The following ARHGEF1 variants were observed in gnomAD, a reference collection of about 807,000 sequenced individuals.
The protein encoded by ARHGEF1 is 115 kDa guanine nucleotide exchange factor.
ARHGEF1 carries 40 observed loss-of-function variants against 119.7 expected under a neutral mutation model. The ratio of observed to expected loss-of-function variants is 0.33; its 90% confidence interval spans 0.26 to 0.44. ARHGEF1 has a LOEUF of 0.44. Among genes scored for constraint, ARHGEF1 ranks in the 20% least tolerant of loss-of-function variants. The probability of loss-of-function intolerance (pLI) is 1.00; values close to 1 mark genes in which losing one functional copy is unlikely to be tolerated. For missense variants in ARHGEF1, 976 were observed against 1,268.3 expected, an observed-to-expected ratio of 0.77 and a Z score of 3.50; for synonymous variants, 494 against 521.0, an observed-to-expected ratio of 0.95 and a Z score of 0.71.
At chr19:41,900,397 G>A (rs1161330292) in intron 14 of ARHGEF1, among the ~76,000 whole-genome samples, 1 of 152,108 alleles carries the variant, frequency 6.6e-6, no homozygotes, top group Admixed American at 6.5e-5. Context: ...TGCAATTAAC[G>A]AAAATGTAAA....
At chr19:41,921,260 C>T (rs535496571), upstream of ARHGEF1, among the ~76,000 whole-genome samples, 6 of 151,830 alleles carry the variant, frequency 4.0e-5, no homozygotes, top group African/African-American at 1.5e-4. The surrounding 1 kb of genome is among the most constrained non-coding windows in gnomAD (Gnocchi z 4.4). Flanking sequence ...GGGTGGGGGG[C>T]ACAGAGAAGG....
chr19:41,929,833 A>G (rs998048288), exon 3 of ARHGEF1: 1 of 152,282 alleles, frequency 6.6e-6, no homozygotes, highest in East Asian at 1.9e-4. Context: ...CAACCCCACC[A>G]GCGCCCAGGT....
intron 1 of ARHGEF1, chr19:41,884,472 C>T (rs2123336545): frequency 1.2e-6 from 2 of 1,607,482 alleles, no homozygotes; most frequent in South Asian, 1.1e-5. Context: ...GCGGCGATGG[C>T]TTCTCTTTCC....
Position 41,889,297 on chromosome 19 carries a change from A to G in ARHGEF1, c.225+432A>G. On this transcript the variant is annotated intron_variant, in intron 4 of 28. Coordinates refer to ENST00000354532, the MANE Select transcript of ARHGEF1 (RefSeq NM_004706.4). The surrounding 1 kb of genome is among the most constrained non-coding windows in gnomAD (Gnocchi z 4.0). Reference sequence around the variant, plus strand: ...GTCATTCACGGTTGATGGTTGGGAAAAAGAAGCTGTTAGCCATCCCAGGTC... The same window carrying G: ...GTCATTCACGGTTGATGGTTGGGAAGAAGAAGCTGTTAGCCATCCCAGGTC... 1 of 161,866 alleles carries G rather than the reference A, an allele frequency of 6.2e-6. No individual in the cohort carries two copies. The highest frequency in any genetic ancestry group is 1.7e-4 in the South Asian group (1 of 5,944). 10.0% of individuals were successfully genotyped at this position (161,866 alleles called of 1,614,324 possible). A position where few individuals can be genotyped will look rare whatever the true frequency, so the allele number is the denominator to read the frequency against.
In ARHGEF1 at chr19:41,901,752, CAG is replaced by C. The variant is rs2074608140; in HGVS notation, c.1268-128_1268-127del. The C allele has an allele frequency of 1.6e-5, 18 of 1,112,138 alleles. No individual in the cohort carries two copies. The South Asian group carries it at 2.4e-4, about 15-fold the overall frequency. 68.9% of individuals were successfully genotyped at this position (1,112,138 alleles called of 1,614,324 possible). A position where few individuals can be genotyped will look rare whatever the true frequency, so the allele number is the denominator to read the frequency against. On this transcript the variant is annotated intron_variant, in intron 14 of 28. Transcript: ENST00000354532. The stretch of plus-strand genomic sequence containing the variant: ...ACAAGTGTGAACCACCATGGCTAGC[CAG>C]AGAGAGTTTTTTCCCACCAACTTCT...
In ARHGEF1 at chr19:41,903,986, C is replaced by CCAA; in HGVS notation, c.1918-49_1918-48insCAA. 6.3e-7 allele frequency: 1 copy of CCAA among 1,580,094 alleles called. No homozygotes were observed. The highest frequency in any genetic ancestry group is 8.7e-7 in the Non-Finnish European group (1 of 1,150,170). On this transcript the variant is annotated intron_variant, in intron 20 of 28. Transcript: ENST00000354532. The surrounding 1 kb of genome is among the most constrained non-coding windows in gnomAD (Gnocchi z 4.2). The stretch of plus-strand genomic sequence containing the variant: ...CTGCCCTTCCCCTCCCCACCAACCC[C>CCAA]AATCACCCCCTGCCAACCTGCACAA...
chr19:41,885,516 C>T (rs1392893088), intron 1 of ARHGEF1, among the ~76,000 whole-genome samples: 4 of 152,200 alleles, frequency 2.6e-5, no homozygotes, highest in Non-Finnish European at 5.9e-5. Flanking sequence ...GGCTGGAGTG[C>T]AGTGGCGCGA....
chr19:41,902,172 G>A lies in ARHGEF1; in HGVS notation c.1415-102G>A. ...ATACGCCATCCGGTCCCGAGGATCAGACACAGACACACCTGCAGCCCTACC... is the reference window on the plus strand; with the variant it reads ...ATACGCCATCCGGTCCCGAGGATCAAACACAGACACACCTGCAGCCCTACC... On this transcript the variant is annotated intron_variant, in intron 15 of 28. Transcript: ENST00000354532. This position sits in a 1 kb window ranked among gnomAD's most constrained non-coding sequence, Gnocchi z 6.5. The A allele has an allele frequency of 6.4e-7, 1 of 1,562,410 alleles. No individual in the cohort carries two copies. Among genetic ancestry groups the A allele is most frequent in the Non-Finnish European group, 8.8e-7 (1 of 1,141,730 alleles).
At chr19:41,901,794 C>A in intron 14 of ARHGEF1, 93 bp from the exon 15 acceptor site, 2 of 1,466,354 alleles carry the variant, frequency 1.4e-6, no homozygotes, top group East Asian at 2.3e-5. Flanking sequence ...AGCTTTCCTC[C>A]CTGCTCTGCC....
In ARHGEF1 at chr19:41,905,144, G is replaced by C; in HGVS notation, c.2250-31G>C. On this transcript the variant is annotated intron_variant, in intron 23 of 28. Transcript: ENST00000354532. This position sits in a 1 kb window ranked among gnomAD's most constrained non-coding sequence, Gnocchi z 6.4. ...CCCTGGCATAGGGTCTGGGGGCTCT[G>C]ACTGCCCAGGGATTTGGCCTTTCTC... 2 of 1,613,336 alleles carry C rather than the reference G, an allele frequency of 1.2e-6. No individual in the cohort carries two copies. The highest frequency in any genetic ancestry group is 1.7e-6 in the Non-Finnish European group (2 of 1,179,378).
downstream of ARHGEF1, chr19:41,908,119 A>G: frequency 1.1e-6 from 1 of 883,394 alleles, no homozygotes; most frequent in Non-Finnish European, 1.5e-6. This position sits in a 1 kb window ranked among gnomAD's most constrained non-coding sequence, Gnocchi z 6.7. Context: ...CAATGTGCCC[A>G]GACCTGGGAG....
intron 12 of ARHGEF1, 102 bp downstream of exon 12, chr19:41,895,588 C>A (rs1599644909): frequency 1.5e-6 from 2 of 1,298,020 alleles, no homozygotes; most frequent in East Asian, 4.9e-5. Context: ...TCCCCAGCAA[C>A]ACCTCCCCTT....
Position 41,892,752 on chromosome 19 carries a change from G to T in ARHGEF1, c.517G>T (p.Ala173Ser), listed in dbSNP as rs1555846533. Residue 173 changes from alanine to serine, a missense_variant, in exon 7 of 29, where the codon GCC (alanine) becomes TCC (serine). Around this residue, in one of 3 missense-constraint regions of ARHGEF1, gnomAD observed 519 missense variants for 580.9 expected, o/e 0.89. Transcript: ENST00000354532. The surrounding 1 kb of genome is among the most constrained non-coding windows in gnomAD (Gnocchi z 6.3). ...CATGACGCCCTGGGAGCAGGAGCTGGCCCAGCTGGAGGCTTGGGTTGGGCG... is the reference window on the plus strand; with the variant it reads ...CATGACGCCCTGGGAGCAGGAGCTGTCCCAGCTGGAGGCTTGGGTTGGGCG... ...MGMTPWEQEL[A>S]QLEAWVGRDR... 1 of 1,609,690 alleles carries T rather than the reference G, an allele frequency of 6.2e-7. No homozygotes were observed. Among genetic ancestry groups the T allele is most frequent in the Non-Finnish European group, 8.5e-7 (1 of 1,178,502 alleles).
chr19:41,885,244 G>A (rs1288669704), intron 1 of ARHGEF1, among the ~76,000 whole-genome samples: 6 of 151,916 alleles, frequency 3.9e-5, no homozygotes, highest in East Asian at 1.9e-4. Context: ...GACACTCCTC[G>A]CCTCCATCAT....
Position 41,889,290 on chromosome 19 carries a change from T to C in ARHGEF1, c.225+425T>C, listed in dbSNP as rs1555845819. The C allele has an allele frequency of 6.2e-6, 1 of 161,830 alleles. No individual in the cohort carries two copies. Among genetic ancestry groups the C allele is most frequent in the African/African-American group, 2.4e-5 (1 of 41,792 alleles). The allele number at this position is 161,830 out of a possible 1,614,324, so 10.0% of individuals were successfully genotyped here. A position where few individuals can be genotyped will look rare whatever the true frequency, so the allele number is the denominator to read the frequency against. ...GCACGCAGTCATTCACGGTTGATGG[T>C]TGGGAAAAAGAAGCTGTTAGCCATC... On this transcript the variant is annotated intron_variant, in intron 4 of 28. Transcript: ENST00000354532. The surrounding 1 kb of genome is among the most constrained non-coding windows in gnomAD (Gnocchi z 4.0).
intron 14 of ARHGEF1, chr19:41,900,762 C>T (rs2074587893): frequency 2.0e-5 from 3 of 149,450 alleles, no homozygotes; most frequent in South Asian, 4.2e-4. Context: ...AAGGGAAAGG[C>T]AGTGGGTTGA....
chr19:41,903,274 G>T lies in ARHGEF1; in HGVS notation c.1739-33G>T, dbSNP rs1250444859. On this transcript the variant is annotated intron_variant, in intron 18 of 28. Coordinates refer to ENST00000354532, the MANE Select transcript of ARHGEF1 (RefSeq NM_004706.4). The surrounding 1 kb of genome is among the most constrained non-coding windows in gnomAD (Gnocchi z 4.2). ...CCAATCTGGAGCCTCCAGGGCAGGGGTTCACCAGAGCTGCTCTCTCCCTTG... is the reference window on the plus strand; with the variant it reads ...CCAATCTGGAGCCTCCAGGGCAGGGTTTCACCAGAGCTGCTCTCTCCCTTG... 1.9e-6 allele frequency: 3 copies of T among 1,602,576 alleles called. No individual in the cohort carries two copies. The highest frequency in any genetic ancestry group is 2.2e-5 in the East Asian group (1 of 44,828).
upstream of ARHGEF1, among the ~76,000 whole-genome samples, chr19:41,921,099 C>G (rs1179444168): frequency 6.6e-6 from 1 of 152,104 alleles, no homozygotes; most frequent in Non-Finnish European, 1.5e-5. This position sits in a 1 kb window ranked among gnomAD's most constrained non-coding sequence, Gnocchi z 4.4. Flanking sequence ...GTGCCACGCA[C>G]CCCGCCTACC....
At position 41,903,254 on chromosome 19, in the gene ARHGEF1, C is replaced by A; in HGVS notation, c.1739-53C>A. 6.4e-7 allele frequency: 1 copy of A among 1,555,876 alleles called. No homozygotes were observed. Among genetic ancestry groups the A allele is most frequent in the Non-Finnish European group, 8.9e-7 (1 of 1,129,840 alleles). ...CTTTGTCTAACCTTGGCTGCCCAAT[C>A]TGGAGCCTCCAGGGCAGGGGTTCAC... On this transcript the variant is annotated intron_variant, in intron 18 of 28. Transcript: ENST00000354532. This position sits in a 1 kb window ranked among gnomAD's most constrained non-coding sequence, Gnocchi z 4.2.
Sources: allele counts gnomAD v4.1 joint callset (sites outside exome capture counted in the v4.1 genomes callset), GRCh38; gene constraint gnomAD v4.1.1; regional missense constraint gnomAD v4.1.1; non-coding constraint Gnocchi (gnomAD v3.1); transcripts MANE v1.5; gene names NCBI Gene and HGNC (gene_info 2026-07-23, HGNC 2026-07-21).